Variants in ADK observed in about 807,000 individuals in gnomAD.
ADK encodes N6,N6-dimethyladenosine kinase.
ADK carries 24 observed loss-of-function variants against 44.7 expected under a neutral mutation model. The observed-to-expected ratio is 0.54, with a 90% CI of 0.39 to 0.76. ADK has a LOEUF of 0.76. ADK is among the 30% of genes least tolerant of loss of function. The probability of loss-of-function intolerance (pLI) is 0.00; values close to 1 mark genes in which losing one functional copy is unlikely to be tolerated. For synonymous variants in ADK, 128 were observed against 142.6 expected, an observed-to-expected ratio of 0.90 and a Z score of 0.73; for missense variants, 321 against 425.1, an observed-to-expected ratio of 0.76 and a Z score of 2.15.
intron 3 of ADK, among the ~76,000 whole-genome samples, chr10:74,275,682 A>G (rs1450183287): frequency 6.6e-6 from 1 of 152,082 alleles, no homozygotes; most frequent in Non-Finnish European, 1.5e-5. Context: ...TCTTTGAGAC[A>G]GAGTCTCACT....
chr10:74,430,269 A>G (rs1844937353), intron 6 of ADK, among the ~76,000 whole-genome samples: 1 of 152,240 alleles, frequency 6.6e-6, no homozygotes, highest in African/African-American at 2.4e-5. Flanking sequence ...ACAAAACTAT[A>G]GAACCATATC....
intron 9 of ADK, among the ~76,000 whole-genome samples, chr10:74,615,899 G>A (rs1409199029): frequency 6.6e-6 from 1 of 151,996 alleles, no homozygotes. Flanking sequence ...AGTAGTGACG[G>A]GGTTTCACCA....
At chr10:74,621,069 T>C (rs1442900793) in intron 9 of ADK, among the ~76,000 whole-genome samples, 4 of 152,214 alleles carry the variant, frequency 2.6e-5, no homozygotes, top group Admixed American at 2.6e-4. Context: ...CTTTTCAGTT[T>C]GACATAATCC....
intron 10 of ADK, among the ~76,000 whole-genome samples, chr10:74,700,662 A>G (rs1856390062): frequency 1.3e-5 from 2 of 152,198 alleles, no homozygotes; most frequent in East Asian, 3.9e-4. Context: ...AAGGAAGAAA[A>G]TGTACATACA....
intron 9 of ADK, among the ~76,000 whole-genome samples, chr10:74,651,146 G>T (rs778171909): frequency 2.0e-5 from 3 of 152,132 alleles, no homozygotes; most frequent in Non-Finnish European, 4.4e-5. Flanking sequence ...GTTCTAAATT[G>T]AGTGGAATTG....
intron 1 of ADK, among the ~76,000 whole-genome samples, chr10:74,160,017 C>CA (rs1841847457): frequency 6.6e-6 from 1 of 152,150 alleles, no homozygotes; most frequent in Admixed American, 6.6e-5. Context: ...AACTCCAAGC[C>CA]AAAATCTCAT....
intron 6 of ADK, among the ~76,000 whole-genome samples, chr10:74,480,777 A>G (rs1847041936): frequency 6.6e-6 from 1 of 152,202 alleles, no homozygotes; most frequent in Non-Finnish European, 1.5e-5. Context: ...CTTATAGAGT[A>G]ATATGGTAGC....
intron 3 of ADK, among the ~76,000 whole-genome samples, chr10:74,230,763 T>A (rs370842075): frequency 2.6e-5 from 4 of 151,524 alleles, no homozygotes; most frequent in African/African-American, 9.7e-5. Flanking sequence ...CTCACTGCAA[T>A]CTCCGCCTCC....
intron 4 of ADK, among the ~76,000 whole-genome samples, chr10:74,332,510 A>G (rs1208258308): frequency 6.6e-6 from 1 of 152,210 alleles, no homozygotes; most frequent in Non-Finnish European, 1.5e-5. Context: ...GAATGTTTTC[A>G]ACACAGAAAA....
intron 1 of ADK, among the ~76,000 whole-genome samples, chr10:74,152,981 A>C (rs1841650222): frequency 6.6e-6 from 1 of 152,180 alleles, no homozygotes; most frequent in Non-Finnish European, 1.5e-5. Flanking sequence ...ATCGGCTATT[A>C]TTACTTTTAT....
At chr10:74,386,681 C>A (rs372792254) in intron 4 of ADK, among the ~76,000 whole-genome samples, 1 of 152,182 alleles carries the variant, frequency 6.6e-6, no homozygotes, top group Non-Finnish European at 1.5e-5. Flanking sequence ...GTGGTATTTA[C>A]TGATCTGGCC....
chr10:74,205,999 C>T (rs527418200), intron 2 of ADK, among the ~76,000 whole-genome samples: 3 of 152,152 alleles, frequency 2.0e-5, no homozygotes, highest in Non-Finnish European at 2.9e-5. Context: ...CTGTAATAAA[C>T]AGAAAATAAA....
intron 7 of ADK, among the ~76,000 whole-genome samples, chr10:74,530,874 A>G (rs1452531086): frequency 6.6e-6 from 1 of 152,182 alleles, no homozygotes; most frequent in Non-Finnish European, 1.5e-5. Context: ...GCAGCGAGCC[A>G]AAATTGCACC....
At chr10:74,203,509 C>T (rs1388110436) in intron 2 of ADK, among the ~76,000 whole-genome samples, 2 of 151,960 alleles carry the variant, frequency 1.3e-5, no homozygotes, top group African/African-American at 4.8e-5. Context: ...TATGCAGGTA[C>T]CACCATCCCT....
intron 3 of ADK, among the ~76,000 whole-genome samples, chr10:74,235,937 C>G (rs1844942569): frequency 6.6e-6 from 1 of 152,168 alleles, no homozygotes; most frequent in Non-Finnish European, 1.5e-5. Flanking sequence ...TGTTTGCCTT[C>G]TGCCATGGGA....
chr10:74,355,512 A>G (rs1271738366), intron 4 of ADK, among the ~76,000 whole-genome samples: 13 of 152,210 alleles, frequency 8.5e-5, no homozygotes, highest in Non-Finnish European at 1.6e-4. Flanking sequence ...TGGTTGTTCC[A>G]CATAACTTTT....
intron 6 of ADK, among the ~76,000 whole-genome samples, chr10:74,451,720 A>G (rs980810193): frequency 6.6e-6 from 1 of 152,152 alleles, no homozygotes; most frequent in Non-Finnish European, 1.5e-5. Context: ...GGGATAAAGA[A>G]TTTGGCATAA....
intron 4 of ADK, among the ~76,000 whole-genome samples, chr10:74,318,087 G>C (rs879940947): frequency 1.3e-5 from 2 of 151,970 alleles, no homozygotes; most frequent in East Asian, 3.9e-4. Context: ...GCCTGTTTCT[G>C]TTTTTGAAGA....
At chr10:74,218,652 A>T (rs1201079139) in intron 2 of ADK, among the ~76,000 whole-genome samples, 1 of 152,248 alleles carries the variant, frequency 6.6e-6, no homozygotes, top group East Asian at 1.9e-4. Flanking sequence ...GAAGCCCATC[A>T]GACTAACAGC....
Sources: allele counts gnomAD v4.1 joint callset (sites outside exome capture counted in the v4.1 genomes callset), GRCh38; gene constraint gnomAD v4.1.1; transcripts MANE v1.5; gene names NCBI Gene and HGNC (gene_info 2026-07-23, HGNC 2026-07-21).